Variants in ZSWIM6 observed in about 807,000 individuals in gnomAD.
ZSWIM6 encodes the protein zinc finger SWIM-type containing 6, also known as zinc finger SWIM domain-containing protein 6.
A neutral mutation model predicts 113.2 loss-of-function variants in ZSWIM6; 9 were observed. The observed-to-expected ratio is 0.08, with a 90% CI of 0.05 to 0.14. The LOEUF is 0.14. ZSWIM6 is among the 10% of genes least tolerant of loss of function. The pLI is 1.00. For synonymous variants in ZSWIM6, 611 were observed against 606.5 expected (o/e 1.01, Z -0.11); for missense variants, 1,162 against 1,552.2 (o/e 0.75, Z 4.22).
Position 61,543,602 on chromosome 5 carries a change from G to T in ZSWIM6, c.2933G>T (p.Ser978Ile), listed in dbSNP as rs774834890. ...LDCHQQEKLA[S>I]SARTLALQCA... The stretch of plus-strand genomic sequence containing the variant: ...TGCCACCAGCAGGAAAAGCTGGCCA[G>T]CAGCGCCCGGACACTTGCACTGCAG... Residue 978 changes from serine to isoleucine, a missense_variant, in exon 14 of 14, where the codon AGC becomes ATC. Physicochemically the swap from Ser to Ile is moderately radical, Grantham distance 142. This residue lies in a region of ZSWIM6 where 620 missense variants were observed against 804.6 expected (regional missense o/e 0.77). Coordinates refer to ENST00000252744, the MANE Select transcript of ZSWIM6 (RefSeq NM_020928.2). The surrounding 1 kb of genome is among the most constrained non-coding windows in gnomAD (Gnocchi z 4.3). The T allele has an allele frequency of 5.8e-6, 9 of 1,551,764 alleles. No individual in the cohort carries two copies. In the South Asian group the frequency reaches 1.1e-4, roughly 18 times the overall value.
In ZSWIM6 at chr5:61,356,042, A is replaced by T. The variant is rs887990942; in HGVS notation, c.676+23094A>T. Among the ~76,000 whole-genome samples the T allele has an allele frequency of 3.9e-5, 6 of 152,178 alleles. No homozygotes were observed. The South Asian group carries it at 1.2e-3, about 31-fold the overall frequency. ...CTTGATTTTAACTTTTTGCCAGCAT[A>T]AATCTAAACACTGTAGTGATTCTTA... is the stretch of plus-strand genomic sequence containing the variant. On this transcript the variant is annotated intron_variant, in intron 1 of 13. Transcript: ENST00000252744.
chr5:61,473,557 A>G (rs528024600), intron 2 of ZSWIM6, among the ~76,000 whole-genome samples: 1 of 152,190 alleles, frequency 6.6e-6, no homozygotes, highest in East Asian at 1.9e-4. Context: ...TATACATTGA[A>G]CATGTTTTCT....
At chr5:61,374,720 A>ATT (rs373367273) in intron 1 of ZSWIM6, among the ~76,000 whole-genome samples, 14 of 151,464 alleles carry the variant, frequency 9.2e-5, no homozygotes, top group African/African-American at 3.4e-4. Flanking sequence ...CGCCCGGCTG[A>ATT]TTTTTTTGTA....
chr5:61,416,477 C>G (rs1453051969), intron 1 of ZSWIM6, among the ~76,000 whole-genome samples: 1 of 152,240 alleles, frequency 6.6e-6, no homozygotes, highest in Non-Finnish European at 1.5e-5. Context: ...TTATACACCT[C>G]TGATCTCCTC....
Position 61,363,480 on chromosome 5 carries a change from C to T in ZSWIM6, c.676+30532C>T, listed in dbSNP as rs370296010. 1.2e-4 allele frequency among the ~76,000 whole-genome samples: 18 copies of T among 152,272 alleles called. 1 individual carries two copies. Among genetic ancestry groups the T allele is most frequent in the East Asian group, 5.8e-4 (3 of 5,174 alleles). ...AAAAGGCTGACTAAACCCTTGTTCT[C>T]GGCAATCTCATCTCTGATCCCAAAG... On this transcript the variant is annotated intron_variant, in intron 1 of 13. Transcript: ENST00000252744.
intron 1 of ZSWIM6, among the ~76,000 whole-genome samples, chr5:61,465,916 T>C (rs1747424592): frequency 6.6e-6 from 1 of 152,254 alleles, no homozygotes; most frequent in Non-Finnish European, 1.5e-5. Context: ...TCCTAATGTC[T>C]TTCTATAAGC....
intron 1 of ZSWIM6, among the ~76,000 whole-genome samples, chr5:61,337,283 C>CT (rs1227045737): frequency 3.4e-5 from 5 of 147,670 alleles, no homozygotes; most frequent in Non-Finnish European, 6.1e-5. Context: ...CGTCTCCCCC[C>CT]CCAAAAAAAA....
intron 2 of ZSWIM6, among the ~76,000 whole-genome samples, chr5:61,480,379 T>C (rs1488522933): frequency 6.6e-6 from 1 of 152,176 alleles, no homozygotes; most frequent in Non-Finnish European, 1.5e-5. Context: ...CTTATTTACT[T>C]CCTTGGCATT....
At chr5:61,382,623 G>A (rs1021284934) in intron 1 of ZSWIM6, among the ~76,000 whole-genome samples, 5 of 152,064 alleles carry the variant, frequency 3.3e-5, no homozygotes, top group Admixed American at 1.3e-4. Flanking sequence ...GGCCAACATG[G>A]TGAAACCCCC....
chr5:61,510,285 A>T (rs1247513612), intron 4 of ZSWIM6, among the ~76,000 whole-genome samples: 2 of 152,024 alleles, frequency 1.3e-5, no homozygotes, highest in Non-Finnish European at 1.5e-5. Context: ...CAAGGAGAAG[A>T]GTTCATTCTT....
rs1345013612 is a variant in ZSWIM6, at chr5:61,332,312, C to T, written c.40C>T (p.Leu14Phe). 6.0e-6 allele frequency: 7 copies of T among 1,167,216 alleles called. No individual in the cohort carries two copies. The highest frequency in any genetic ancestry group is 1.6e-5 in the African/African-American group (1 of 61,814). The allele number at this position is 1,167,216 out of a possible 1,614,324, so 72.3% of individuals were successfully genotyped here. ...ACAGCAGCCTCCTCCCGCGAAACGGCTTTGCTGCCGGCCGGGCGGCGGCGG... is the reference window on the plus strand; with the variant it reads ...ACAGCAGCCTCCTCCCGCGAAACGGTTTTGCTGCCGGCCGGGCGGCGGCGG... Reference protein sequence around the residue: ...RGQQPPPAKRLCCRPGGGGGG... With the variant: ...RGQQPPPAKRFCCRPGGGGGG... The change falls in exon 1 of 14, where the codon CTT (leucine) becomes TTT (phenylalanine). Residue 14 changes from leucine to phenylalanine, a missense_variant. Leu to Phe is a conservative substitution (Grantham distance 22). Transcript: ENST00000252744.
At chr5:61,446,870 A>T (rs2112153262) in intron 1 of ZSWIM6, among the ~76,000 whole-genome samples, 1 of 152,304 alleles carries the variant, frequency 6.6e-6, no homozygotes, top group South Asian at 2.1e-4. Context: ...ACACAGAAAG[A>T]TCCAATAGCT....
At chr5:61,361,967 A>G (rs763563748) in intron 1 of ZSWIM6, among the ~76,000 whole-genome samples, 2 of 152,182 alleles carry the variant, frequency 1.3e-5, no homozygotes, top group East Asian at 1.9e-4. Flanking sequence ...AGTCTCCCAC[A>G]TGTTTTCACA....
chr5:61,491,069 T>G, intron 3 of ZSWIM6, 135 bp downstream of exon 3: 1 of 802,186 alleles, frequency 1.2e-6, no homozygotes, highest in Non-Finnish European at 1.7e-6. Context: ...AATAGAAACT[T>G]TTGTATTGTA....
Position 61,546,137 on chromosome 5 carries a change from T to C in ZSWIM6, c.*1820T>C, listed in dbSNP as rs970086788. 1.3e-5 allele frequency: 2 copies of C among 152,192 alleles called. No individual in the cohort carries two copies. The highest frequency in any genetic ancestry group is 2.9e-5 in the Non-Finnish European group (2 of 68,028). The allele number at this position is 152,192 out of a possible 1,614,324, so 9.4% of individuals were successfully genotyped here. The stretch of plus-strand genomic sequence containing the variant: ...TATAAACTTGTTAATGATCAACAAT[T>C]TTTGTTTTGATTAAAATTAGTTTTT... On this transcript the variant is annotated 3_prime_UTR_variant, in exon 14 of 14. Coordinates refer to ENST00000252744, the MANE Select transcript of ZSWIM6 (RefSeq NM_020928.2).
intron 1 of ZSWIM6, among the ~76,000 whole-genome samples, chr5:61,431,451 A>G (rs531850807): frequency 6.6e-6 from 1 of 151,544 alleles, no homozygotes; most frequent in East Asian, 1.9e-4. Flanking sequence ...TATTGGTTAA[A>G]AGTTTGACTA....
chr5:61,365,836 A>G (rs1384414876), intron 1 of ZSWIM6, among the ~76,000 whole-genome samples: 1 of 152,174 alleles, frequency 6.6e-6, no homozygotes, highest in African/African-American at 2.4e-5. Context: ...AGTTTGGTAA[A>G]TGTGTCTAAA....
At chr5:61,355,431 A>AACACACACACAC (rs34072520) in intron 1 of ZSWIM6, among the ~76,000 whole-genome samples, 6 of 127,596 alleles carry the variant, frequency 4.7e-5, no homozygotes, top group African/African-American at 1.5e-4. Flanking sequence ...GAGACTTTAA[A>AACACACACACAC]ACACACACAC....
chr5:61,386,561 A>T (rs1296359552), intron 1 of ZSWIM6, among the ~76,000 whole-genome samples: 2 of 152,114 alleles, frequency 1.3e-5, no homozygotes, highest in Admixed American at 6.5e-5. Flanking sequence ...GCTGCTTATC[A>T]TGGGCACAGC....
Sources: gnomAD v4.1 joint callset for allele counts (sites outside exome capture counted in the v4.1 genomes callset) on GRCh38, gnomAD v4.1.1 for gene constraint, gnomAD v4.1.1 regional missense constraint, Gnocchi (gnomAD v3.1) non-coding constraint, MANE v1.5 for transcripts, NCBI Gene and HGNC (gene_info 2026-07-23, HGNC 2026-07-21) for gene names.